Variants in SYNDIG1L observed in about 807,000 individuals in gnomAD.
SYNDIG1L encodes synapse differentiation inducing 1 like, also known as synapse differentiation-inducing gene protein 1-like.
In SYNDIG1L, 13 loss-of-function variants were observed where a neutral mutation model predicts 20.1. The observed-to-expected ratio is 0.65, with a 90% confidence interval of 0.42 to 1.03. The LOEUF is 1.03. Among genes scored for constraint, SYNDIG1L ranks in the 50% least tolerant of loss-of-function variants. SYNDIG1L has a pLI of 0.00. For missense variants in SYNDIG1L, 294 were observed against 305.1 expected (o/e 0.96, Z 0.27); for synonymous variants, 128 against 129.3 (o/e 0.99, Z 0.07).
intron 1 of SYNDIG1L, among the ~76,000 whole-genome samples, chr14:74,410,510 G>A (rs1426721260): frequency 6.6e-6 from 1 of 152,194 alleles, no homozygotes; most frequent in Admixed American, 6.5e-5. Context: ...CCTTCCCCAT[G>A]CCTGTGTGTG....
chr14:74,461,238 G>A, the SYNDIG1L span, among the ~76,000 whole-genome samples: 10 of 152,130 alleles, frequency 6.6e-5, no homozygotes, highest in African/African-American at 2.2e-4. Flanking sequence ...GTGAGCCACC[G>A]CGCCCGTCCA....
the SYNDIG1L span, among the ~76,000 whole-genome samples, chr14:74,458,639 A>T: frequency 2.6e-5 from 4 of 151,226 alleles, no homozygotes; most frequent in Middle Eastern, 6.8e-3. Flanking sequence ...AAAAAAAAAA[A>T]GTGCTGTGCA....
At chr14:74,414,448 C>T (rs557953253) in intron 1 of SYNDIG1L, among the ~76,000 whole-genome samples, 2 of 152,128 alleles carry the variant, frequency 1.3e-5, no homozygotes, top group East Asian at 1.9e-4. Context: ...TAGCTGGGCC[C>T]GAAGGTTTCC....
intron 1 of SYNDIG1L, among the ~76,000 whole-genome samples, chr14:74,424,217 C>A (rs973813576): frequency 6.6e-6 from 1 of 152,166 alleles, no homozygotes; most frequent in Non-Finnish European, 1.5e-5. Context: ...GGCTTGAAAT[C>A]TTAACTCATC....
Position 74,414,089 on chromosome 14 carries a change from A to C in SYNDIG1L, c.-57-4288T>G, listed in dbSNP as rs139673915. Among the ~76,000 whole-genome samples the C allele has an allele frequency of 3.3e-3, 505 of 152,298 alleles. 1 individual carries two copies. The highest frequency in any genetic ancestry group is 5.6e-3 in the Non-Finnish European group (380 of 68,020). On this transcript the variant is annotated intron_variant, in intron 1 of 3. Coordinates refer to ENST00000331628, the MANE Select transcript of SYNDIG1L (RefSeq NM_001105579.2). ...CTGCCTCTCCCTGTTCACTGGAGTA[A>C]GGGACCGGCACTCAGAGCAGAGCAA...
the SYNDIG1L span, among the ~76,000 whole-genome samples, chr14:74,437,833 C>T: frequency 3.3e-5 from 5 of 152,116 alleles, no homozygotes; most frequent in Non-Finnish European, 7.3e-5. Context: ...GTTTGGCAGC[C>T]GCTCAGGGGC....
the SYNDIG1L span, among the ~76,000 whole-genome samples, chr14:74,468,468 G>A: frequency 6.6e-6 from 1 of 151,740 alleles, no homozygotes; most frequent in South Asian, 2.1e-4. Context: ...CTCCCTTCTC[G>A]GGGACATTCT....
At chr14:74,419,146 T>C (rs1025140960) in intron 1 of SYNDIG1L, among the ~76,000 whole-genome samples, 1 of 152,130 alleles carries the variant, frequency 6.6e-6, no homozygotes, top group African/African-American at 2.4e-5. Flanking sequence ...AGCTCAAAGG[T>C]CACTTCCTTA....
chr14:74,437,576 A>T, the SYNDIG1L span, among the ~76,000 whole-genome samples: 3 of 152,346 alleles, frequency 2.0e-5, no homozygotes, highest in African/African-American at 7.2e-5. Flanking sequence ...CTAGATGGAA[A>T]CAAACATTCA....
chr14:74,413,861 A>G lies in SYNDIG1L; in HGVS notation c.-57-4060T>C, dbSNP rs1490961144. Among the ~76,000 whole-genome samples the G allele has an allele frequency of 1.1e-4, 16 of 152,240 alleles. No individual in the cohort carries two copies. The East Asian group carries it at 3.1e-3, about 29-fold the overall frequency. ...AGCAATCTGAGTTAGCAGCAGCTGC[A>G]TCTGCTCACAGTCCAGCCAAGGGTC... On this transcript the variant is annotated intron_variant, in intron 1 of 3. Transcript: ENST00000331628.
chr14:74,409,323 C>T lies in SYNDIG1L; in HGVS notation c.417+5G>A. 2 of 1,526,580 alleles carry T rather than the reference C, an allele frequency of 1.3e-6. No homozygotes were observed. The highest frequency in any genetic ancestry group is 3.5e-4 in the Middle Eastern group (2 of 5,712). The allele number at this position is 1,526,580 out of a possible 1,614,324, so 94.6% of individuals were successfully genotyped here. Reference sequence around the variant, plus strand: ...GGAATCTGCATTTTAACCTCATGCACTCACCTCCTCTTCCTCCTGGTCATC... The same window carrying T: ...GGAATCTGCATTTTAACCTCATGCATTCACCTCCTCTTCCTCCTGGTCATC... On this transcript the variant is annotated splice_donor_5th_base_variant and intron_variant, in intron 2 of 3. Transcript: ENST00000331628.
At chr14:74,417,372 T>C (rs2139627074) in intron 1 of SYNDIG1L, among the ~76,000 whole-genome samples, 1 of 152,228 alleles carries the variant, frequency 6.6e-6, no homozygotes, top group African/African-American at 2.4e-5. Flanking sequence ...TCTGACCTGA[T>C]TGGGAGGAGG....
At chr14:74,408,116 G>A (rs1043245896) in intron 2 of SYNDIG1L, 127 bp from the exon 3 acceptor site, 16 of 1,184,484 alleles carry the variant, frequency 1.4e-5, no homozygotes, top group South Asian at 3.4e-5. Context: ...CTCTTCTGCC[G>A]CAGGTGGGGA....
At chr14:74,459,965 GA>G in the SYNDIG1L span, among the ~76,000 whole-genome samples, 2 of 152,112 alleles carry the variant, frequency 1.3e-5, no homozygotes, top group Non-Finnish European at 2.9e-5. Flanking sequence ...ATGCTTCTAG[GA>G]TTCCCCTTCC....
chr14:74,474,361 T>C, the SYNDIG1L span: 1 of 152,354 alleles, frequency 6.6e-6, no homozygotes, highest in Middle Eastern at 3.4e-3. Flanking sequence ...TGTAGCTCTT[T>C]GGGCCTTGTT....
chr14:74,452,643 T>C, the SYNDIG1L span, among the ~76,000 whole-genome samples: 2 of 152,200 alleles, frequency 1.3e-5, no homozygotes, highest in Non-Finnish European at 2.9e-5. Context: ...AACGGACTAA[T>C]ACAGTGGCAC....
chr14:74,453,277 C>A, the SYNDIG1L span, among the ~76,000 whole-genome samples: 1 of 139,528 alleles, frequency 7.2e-6, no homozygotes, highest in African/African-American at 2.8e-5. Context: ...CACTTGAACC[C>A]AGGAGGCAGA....
At chr14:74,434,083 A>G in the SYNDIG1L span, among the ~76,000 whole-genome samples, 1 of 152,356 alleles carries the variant, frequency 6.6e-6, no homozygotes, top group Admixed American at 6.5e-5. Flanking sequence ...TATGCCAAAA[A>G]GCCCATAAAA....
chr14:74,411,066 G>A (rs1053967756), intron 1 of SYNDIG1L, among the ~76,000 whole-genome samples: 1 of 152,182 alleles, frequency 6.6e-6, no homozygotes, highest in African/African-American at 2.4e-5. Flanking sequence ...GGCAGGCTAG[G>A]GGCCCCAGGG....
Sources: gnomAD v4.1 joint callset for allele counts (sites outside exome capture counted in the v4.1 genomes callset) on GRCh38, gnomAD v4.1.1 for gene constraint, MANE v1.5 for transcripts, NCBI Gene and HGNC (gene_info 2026-07-23, HGNC 2026-07-21) for gene names.